SORBS3: variants seen among roughly 807,000 people sequenced by gnomAD.
SORBS3 encodes the protein vinexin.
A neutral mutation model predicts 98.0 loss-of-function variants in SORBS3; 69 were observed. The ratio of observed to expected loss-of-function variants is 0.70; its 90% CI spans 0.58 to 0.86. SORBS3 has a LOEUF of 0.86. SORBS3 is among the 40% of genes least tolerant of loss of function. The pLI, the probability that SORBS3 is intolerant of heterozygous loss-of-function variation, is 0.00. For missense variants in SORBS3, 954 were observed against 908.5 expected, an observed-to-expected ratio of 1.05 and a Z score of -0.64; for synonymous variants, 394 against 355.4, an observed-to-expected ratio of 1.11 and a Z score of -1.22.
At chr8:22,574,003 G>A (rs1840658770) in intron 20 of SORBS3, among the ~76,000 whole-genome samples, 1 of 152,086 alleles carries the variant, frequency 6.6e-6, no homozygotes, top group African/African-American at 2.4e-5. Flanking sequence ...TCTGAAGGTC[G>A]GCAACCCCGG....
At chr8:22,573,753 AC>A (rs1265171612) in intron 20 of SORBS3, among the ~76,000 whole-genome samples, 3 of 152,126 alleles carry the variant, frequency 2.0e-5, no homozygotes, top group Non-Finnish European at 2.9e-5. Context: ...TCATCCATTC[AC>A]CCAAGGTCAG....
chr8:22,554,213 C>A lies in SORBS3; in HGVS notation c.-55-239C>A. ...CCAAGCTCCCCCTCCCCCACTCCCA[C>A]CCGGAGCTCCTGCCCTGGGCCTAAC... is the stretch of plus-strand genomic sequence containing the variant. On this transcript the variant is annotated intron_variant, in intron 1 of 20. Transcript: ENST00000240123. The surrounding 1 kb of genome is among the most constrained non-coding windows in gnomAD (Gnocchi z 6.5). 3.6e-6 allele frequency: 1 copy of A among 276,578 alleles called. No homozygotes were observed. Among genetic ancestry groups the A allele is most frequent in the Non-Finnish European group, 6.9e-6 (1 of 145,672 alleles). The allele number at this position is 276,578 out of a possible 1,614,324, so 17.1% of individuals were successfully genotyped here. A position where few individuals can be genotyped will look rare whatever the true frequency, so the allele number is the denominator to read the frequency against.
In SORBS3 at chr8:22,557,623, T is replaced by C. The variant is rs530660033; in HGVS notation, c.415-506T>C. ...GAGTTCCAGACCAGCCTGGGCAACA[T>C]AGTGAGACCCTGTCTCTATAAAAAA... On this transcript the variant is annotated intron_variant, in intron 4 of 20. Transcript: ENST00000240123. 7.3e-5 allele frequency among the ~76,000 whole-genome samples: 11 copies of C among 151,430 alleles called. No individual in the cohort carries two copies. In the South Asian group the frequency reaches 2.1e-3, roughly 29 times the overall value.
rs746242561 is a variant in SORBS3 at position 22,566,347 on chromosome 8, C to T, written c.953C>T (p.Pro318Leu). The T allele has an allele frequency of 2.1e-5, 34 of 1,613,030 alleles. No individual in the cohort carries two copies. The East Asian group carries it at 6.5e-4, about 31-fold the overall frequency. ...CTCAGTCTCTGTGCCCCGTGCAGCC[C>T]GGCCTCAGCCTGGAGCTCCAGCTAC... is the stretch of plus-strand genomic sequence containing the variant. ...RAPEQRPPAG[P>L]ASAWSSSYPH... is the part of the protein sequence containing the mutation. The change falls in exon 13 of 21, where the codon CCG (proline) becomes CTG (leucine). Residue 318 changes from proline to leucine, a missense_variant and splice_region_variant. Physicochemically the swap from Pro to Leu is moderately conservative, Grantham distance 98. Transcript: ENST00000240123.
intron 1 of SORBS3, among the ~76,000 whole-genome samples, chr8:22,552,823 C>A (rs60202703): frequency 2.4e-4 from 37 of 152,274 alleles, no homozygotes; most frequent in African/African-American, 7.2e-4. Flanking sequence ...AACTCCCCCC[C>A]GCAAGGGGAG....
At chr8:22,557,693 GT>G (rs1840212110) in intron 4 of SORBS3, among the ~76,000 whole-genome samples, 2 of 152,080 alleles carry the variant, frequency 1.3e-5, no homozygotes, top group Admixed American at 1.3e-4. Flanking sequence ...CACGACTGTA[GT>G]TCCAGCTACT....
chr8:22,574,738 AT>A lies in SORBS3; in HGVS notation c.*11del. 6.2e-7 allele frequency: 1 copy of A among 1,610,830 alleles called. No homozygotes were observed. The highest frequency in any genetic ancestry group is 8.5e-7 in the Non-Finnish European group (1 of 1,177,540). On this transcript the variant is annotated 3_prime_UTR_variant, in exon 21 of 21. Coordinates refer to ENST00000240123, the MANE Select transcript of SORBS3 (RefSeq NM_005775.5). Reference sequence around the variant, plus strand: ...CGTTGCCCCGGTGTGAGTGGTCTCCATGGCAACTTGGAGCCAGCCAGGATGG... The same window carrying A: ...CGTTGCCCCGGTGTGAGTGGTCTCCAGGCAACTTGGAGCCAGCCAGGATGG...
At chr8:22,571,263 A>C in intron 18 of SORBS3, 42 bp downstream of exon 18, 1 of 1,209,572 alleles carries the variant, frequency 8.3e-7, no homozygotes, top group East Asian at 2.4e-5. Context: ...CCTCCTCCTC[A>C]CCCCTCATCC....
chr8:22,551,315 G>A (rs1212789111), upstream of SORBS3, among the ~76,000 whole-genome samples: 2 of 151,846 alleles, frequency 1.3e-5, no homozygotes, highest in East Asian at 1.9e-4. This position sits in a 1 kb window ranked among gnomAD's most constrained non-coding sequence, Gnocchi z 5.8. Flanking sequence ...CCAGCGCGGA[G>A]GGGCGGCGGG....
intron 1 of SORBS3, among the ~76,000 whole-genome samples, chr8:22,545,838 A>G (rs1308956224): frequency 6.6e-6 from 1 of 152,262 alleles, no homozygotes; most frequent in African/African-American, 2.4e-5. Context: ...ATTTGGGGCA[A>G]TAAAGATGTG....
chr8:22,573,155 T>C (rs1840634618), intron 20 of SORBS3, among the ~76,000 whole-genome samples: 1 of 152,092 alleles, frequency 6.6e-6, no homozygotes, highest in Non-Finnish European at 1.5e-5. Context: ...CCTGATCTGA[T>C]CCCAGTACAG....
chr8:22,558,146 A>C lies in SORBS3; in HGVS notation c.432A>C (p.Arg144Ser). 3 of 1,614,164 alleles carry C rather than the reference A, an allele frequency of 1.9e-6. No individual in the cohort carries two copies. Among genetic ancestry groups the C allele is most frequent in the Non-Finnish European group, 2.5e-6 (3 of 1,180,028 alleles). ...IAPRSSVDRP[R>S]DWYRRMFQQI... ...GATCCCAGAGCGTTGACAGACCCAG[A>C]GACTGGTACCGGAGAATGTTCCAGC... Residue 144 changes from arginine to serine, a missense_variant, in exon 5 of 21, where the codon AGA becomes AGC. Transcript: ENST00000240123.
rs757482156 is a variant in SORBS3 at position 22,561,927 on chromosome 8, A to T, written c.580A>T (p.Ser194Cys). 6.2e-7 allele frequency: 1 copy of T among 1,613,936 alleles called. No individual in the cohort carries two copies. The highest frequency in any genetic ancestry group is 8.5e-7 in the Non-Finnish European group (1 of 1,179,938). The change falls in exon 7 of 21, where the codon AGT (serine) becomes TGT (cysteine). Residue 194 changes from serine (S) to cysteine (C), a missense_variant. Ser to Cys is a moderately radical substitution (Grantham distance 112, BLOSUM62 -1). Coordinates refer to ENST00000240123, the MANE Select transcript of SORBS3 (RefSeq NM_005775.5). ...AHRPGPATSS[S>C]GRSWDHSEEL... ...CAGGCCCGGCCCGGCAACATCTTCC[A>T]GTGGGTGAGCACAGTGGGGCGGGGC... is the stretch of plus-strand genomic sequence containing the variant.
intron 20 of SORBS3, 67 bp from the exon 21 acceptor site, chr8:22,574,600 G>T: frequency 1.3e-6 from 2 of 1,527,476 alleles, no homozygotes; most frequent in Non-Finnish European, 9.0e-7. Flanking sequence ...CAGGGGGCAG[G>T]CCCTCACCCC....
chr8:22,572,233 G>A (rs935028322), intron 19 of SORBS3, 107 bp from the exon 20 acceptor site: 2 of 866,770 alleles, frequency 2.3e-6, no homozygotes, highest in African/African-American at 3.3e-5. Flanking sequence ...GCTGGATCAG[G>A]GGCTAGTGAG....
At chr8:22,560,257 A>G (rs1840264586) in intron 5 of SORBS3, among the ~76,000 whole-genome samples, 2 of 152,028 alleles carry the variant, frequency 1.3e-5, no homozygotes, top group Non-Finnish European at 2.9e-5. Flanking sequence ...GTTCAATTCA[A>G]TTCCTGGGAG....
intron 9 of SORBS3, 31 bp downstream of exon 9, chr8:22,564,400 C>T (rs1278914269): frequency 1.1e-5 from 18 of 1,613,358 alleles, no homozygotes; most frequent in South Asian, 3.3e-5. Flanking sequence ...GGGGTGTGCA[C>T]GCACCCTCAG....
chr8:22,564,147 T>C (rs1482819627), intron 8 of SORBS3, 70 bp downstream of exon 8: 8 of 1,532,250 alleles, frequency 5.2e-6, no homozygotes, highest in East Asian at 2.3e-5. Flanking sequence ...TATGCCACGA[T>C]GTCCTTTCAG....
At chr8:22,556,079 G>A (rs771166949) in intron 3 of SORBS3, among the ~76,000 whole-genome samples, 2 of 152,114 alleles carry the variant, frequency 1.3e-5, no homozygotes, top group Non-Finnish European at 2.9e-5. Context: ...TTGTACATCT[G>A]GCCTCAAAGC....
Sources: gnomAD v4.1 joint callset for allele counts (sites outside exome capture counted in the v4.1 genomes callset) on GRCh38, gnomAD v4.1.1 for gene constraint, Gnocchi (gnomAD v3.1) non-coding constraint, MANE v1.5 for transcripts, NCBI Gene and HGNC (gene_info 2026-07-23, HGNC 2026-07-21) for gene names.